Variants in GAS5 observed in about 807,000 individuals in gnomAD.
GAS5 encodes the protein growth arrest specific 5 (non-protein coding).
intron 6 of GAS5, chr1:173,864,344 AAT>A (rs764339920): frequency 1.9e-6 from 1 of 518,622 alleles, no homozygotes; most frequent in Non-Finnish European, 3.9e-6. Context: ...GCAAAATACA[AAT>A]GTGTGATGCT....
chr1:173,865,377 T>C (rs1390323349), intron 6 of GAS5: 1 of 515,494 alleles, frequency 1.9e-6, no homozygotes, highest in Non-Finnish European at 3.9e-6. Context: ...TAATCTCCAT[T>C]TTCTTTCTCA....
intron 6 of GAS5, chr1:173,864,880 G>A (rs1169857563): frequency 1.9e-6 from 1 of 519,144 alleles, no homozygotes; most frequent in East Asian, 5.4e-5. Flanking sequence ...GCGTTAGTCT[G>A]CTGAACTATG....
chr1:173,868,902 GT>G (rs1443022797), upstream of GAS5: 2 of 152,748 alleles, frequency 1.3e-5, no homozygotes, highest in African/African-American at 4.8e-5. Flanking sequence ...ACCCCATGCC[GT>G]TCCCAATTCT....
At chr1:173,867,779 TCTAA>T (rs1370637417), upstream of GAS5, 3 of 518,990 alleles carry the variant, frequency 5.8e-6, no homozygotes, top group Non-Finnish European at 1.2e-5. Flanking sequence ...GCAGTTCTAC[TCTAA>T]CATAGTCGCA....
chr1:173,865,012 G>C (rs1431203517), intron 6 of GAS5: 1 of 452,650 alleles, frequency 2.2e-6, no homozygotes, highest in Non-Finnish European at 4.4e-6. Flanking sequence ...TTGAGGTCAA[G>C]AGTTCGAGAC....
chr1:173,864,228 A>G (rs200180809), intron 7 of GAS5: 73 of 516,790 alleles, frequency 1.4e-4, no homozygotes, highest in Non-Finnish European at 2.6e-4. Flanking sequence ...TTCTGCAATT[A>G]TAATAGTCCC....
At chr1:173,865,062 G>C in intron 6 of GAS5, 1 of 357,630 alleles carries the variant, frequency 2.8e-6, no homozygotes, top group South Asian at 2.1e-5. Flanking sequence ...AGCCAGGCAT[G>C]GTGTCACATG....
intron 6 of GAS5, chr1:173,865,197 A>C: frequency 3.4e-6 from 1 of 291,746 alleles, no homozygotes; most frequent in Non-Finnish European, 6.8e-6. Context: ...TCTTGTCTAA[A>C]AAAAAAAAAA....
chr1:173,865,265 C>A, intron 6 of GAS5: 1 of 389,584 alleles, frequency 2.6e-6, no homozygotes. Context: ...ACAGTGTAGT[C>A]AAGCCGACTC....
At chr1:173,867,957 T>A (rs1001991899), upstream of GAS5, 7 of 355,172 alleles carry the variant, frequency 2.0e-5, no homozygotes, top group South Asian at 1.5e-4. Flanking sequence ...AGATAAAACA[T>A]ACCTCACAGG....
exon 2 of GAS5, chr1:173,866,771 A>T (rs992724254): frequency 3.9e-6 from 3 of 765,280 alleles, no homozygotes; most frequent in Non-Finnish European, 7.2e-6. Context: ...TTCAGTAGCT[A>T]TTCTCATCCT....
chr1:173,866,542 C>G, exon 3 of GAS5: 1 of 733,176 alleles, frequency 1.4e-6, no homozygotes, highest in Non-Finnish European at 2.5e-6. Context: ...GTGCCAATGG[C>G]TTGAGTTAGG....
chr1:173,865,680 A>G (rs536835068), intron 5 of GAS5: 1 of 519,246 alleles, frequency 1.9e-6, no homozygotes, highest in African/African-American at 1.9e-5. Context: ...GATCAACATC[A>G]TTACACAAAC....
At chr1:173,866,187 TC>T in exon 4 of GAS5, 1 of 467,330 alleles carries the variant, frequency 2.1e-6, no homozygotes, top group Non-Finnish European at 4.3e-6. Flanking sequence ...CATTTCAACT[TC>T]CAGCTTTCTG....
intron 5 of GAS5, chr1:173,865,659 G>A (rs1290359728): frequency 1.9e-6 from 1 of 519,042 alleles, no homozygotes; most frequent in Non-Finnish European, 3.8e-6. Flanking sequence ...CTCATTTCAG[G>A]TCAGACATTT....
intron 6 of GAS5, chr1:173,864,851 G>A (rs1654309847): frequency 1.9e-6 from 1 of 519,072 alleles, no homozygotes; most frequent in African/African-American, 1.9e-5. Flanking sequence ...AGGAGCGAAA[G>A]ACTTAATATT....
At chr1:173,867,245 G>A (rs1654881157), upstream of GAS5, 2 of 522,176 alleles carry the variant, frequency 3.8e-6, no homozygotes, top group Non-Finnish European at 6.7e-6. Flanking sequence ...GCGGCCGGGC[G>A]CGGTGGCTCA....
At chr1:173,866,073 C>T (rs2067079) in intron 4 of GAS5, 108,640 of 518,418 alleles carry the variant, frequency 0.21, 12,457 homozygotes, top group Middle Eastern at 0.35. Context: ...GACAAGAATC[C>T]GCCATTTATT....
chr1:173,864,417 C>T (rs1037989970), intron 6 of GAS5: 1 of 518,876 alleles, frequency 1.9e-6, no homozygotes, highest in Non-Finnish European at 3.8e-6. Context: ...CATTATATTT[C>T]ATTTGGCAGA....
Sources: gnomAD v4.1 joint callset for allele counts on GRCh38, gnomAD v4.1.1 for gene constraint, MANE v1.5 for transcripts, NCBI Gene and HGNC (gene_info 2026-07-23, HGNC 2026-07-21) for gene names.